The following FHAD1 variants were observed in gnomAD, a reference collection of about 807,000 sequenced individuals.
The protein encoded by FHAD1 is forkhead-associated domain-containing protein 1.
Under a neutral mutation model 191.3 loss-of-function variants are expected in FHAD1, and 146 were observed. The observed-to-expected ratio is 0.76, with a 90% CI of 0.67 to 0.88. The LOEUF (loss-of-function observed/expected upper bound fraction) is 0.88. Ranked by LOEUF, FHAD1 falls within the 40% of genes least tolerant of loss-of-function variation. The pLI is 0.00. For synonymous variants in FHAD1, 616 were observed against 672.3 expected, an observed-to-expected ratio of 0.92 and a Z score of 1.29; for missense variants, 1,635 against 1,785.8, an observed-to-expected ratio of 0.92 and a Z score of 1.52.
chr1:15,297,464 C>T (rs1667330458), intron 5 of FHAD1, among the ~76,000 whole-genome samples: 1 of 152,226 alleles, frequency 6.6e-6, no homozygotes, highest in African/African-American at 2.4e-5. Context: ...TGCAGCCATT[C>T]TCAGAGTCTG....
At chr1:15,313,281 CTTAGT>C (rs968108592) in intron 8 of FHAD1, 94 bp downstream of exon 8, 145 of 1,051,534 alleles carry the variant, frequency 1.4e-4, no homozygotes, top group Middle Eastern at 3.3e-4. Context: ...ACCCTGGGCC[CTTAGT>C]TTAAATTTCA....
rs190891091 is a variant in FHAD1, at chr1:15,281,430, A to G, written c.301-7969A>G. On this transcript the variant is annotated intron_variant, in intron 3 of 33. Transcript: ENST00000688493. ...TTGTATTATTTTTTTCTGGTAACTC[A>G]AAGGTCCCTTAAAAGAGTTTTGTTT... Among the ~76,000 whole-genome samples, 24 of 152,226 alleles carry G rather than the reference A, an allele frequency of 1.6e-4. No homozygotes were observed. The East Asian group carries it at 4.2e-3, about 27-fold the overall frequency.
chr1:15,375,746 T>A lies in FHAD1; in HGVS notation c.3705+16T>A. On this transcript the variant is annotated intron_variant, in intron 28 of 33. Coordinates refer to ENST00000688493, the MANE Select transcript of FHAD1 (RefSeq NM_001391957.1). ...GATCCTAGCGGTAACCAAAGAAAAT[T>A]CTCTCTGCTGTGACTGGCATGTGGA... is the stretch of plus-strand genomic sequence containing the variant. 1 of 1,524,522 alleles carries A rather than the reference T, an allele frequency of 6.6e-7. No individual in the cohort carries two copies. Among genetic ancestry groups the A allele is most frequent in the Non-Finnish European group, 8.8e-7 (1 of 1,137,882 alleles). 94.4% of individuals were successfully genotyped at this position (1,524,522 alleles called of 1,614,324 possible).
intron 31 of FHAD1, 87 bp downstream of exon 31, chr1:15,382,280 AG>A: frequency 7.4e-7 from 1 of 1,345,730 alleles, no homozygotes; most frequent in East Asian, 2.5e-5. Flanking sequence ...TGGAGGATCC[AG>A]GTAGCACAGA....
chr1:15,327,315 A>G lies in FHAD1; in HGVS notation c.1557+173A>G. 1 of 553,734 alleles carries G rather than the reference A, an allele frequency of 1.8e-6. No homozygotes were observed. The highest frequency in any genetic ancestry group is 2.6e-5 in the South Asian group (1 of 38,208). The allele number at this position is 553,734 out of a possible 1,614,324, so 34.3% of individuals were successfully genotyped here. A position where few individuals can be genotyped will look rare whatever the true frequency, so the allele number is the denominator to read the frequency against. ...GATTTTATGGGATTTCCTGGCTTTT[A>G]AAGTAAAAGCCAGTTAAAACTCCCT... On this transcript the variant is annotated intron_variant, in intron 12 of 33. Transcript: ENST00000688493. The surrounding 1 kb of genome is among the most constrained non-coding windows in gnomAD (Gnocchi z 5.1).
chr1:15,272,293 G>T (rs1386056149), intron 2 of FHAD1, 30 bp from the exon 3 acceptor site: 9 of 1,537,338 alleles, frequency 5.9e-6, no homozygotes, highest in Non-Finnish European at 7.9e-6. Flanking sequence ...TTGTTTTCAT[G>T]GCTACGACTG....
intron 2 of FHAD1, among the ~76,000 whole-genome samples, chr1:15,260,583 A>G (rs78037770): frequency 0.012 from 1,840 of 152,276 alleles, 53 homozygotes; most frequent in African/African-American, 0.042. Flanking sequence ...CGATGCTGCT[A>G]TAGAACCGAG....
At chr1:15,264,978 A>T (rs957793972) in intron 2 of FHAD1, among the ~76,000 whole-genome samples, 9 of 152,178 alleles carry the variant, frequency 5.9e-5, no homozygotes, top group African/African-American at 1.9e-4. Context: ...TGTTACACAG[A>T]TTGATTTTCA....
intron 17 of FHAD1, 33 bp from the exon 18 acceptor site, chr1:15,345,370 TCCTCCCATGGTAA>T (rs1394171509): frequency 1.3e-6 from 2 of 1,522,898 alleles, no homozygotes; most frequent in Non-Finnish European, 8.9e-7. Flanking sequence ...GAGTCCAGTT[TCCTCCCATGGTAA>T]CCATGTCTAT....
In FHAD1 at chr1:15,329,504, C is replaced by T; in HGVS notation, c.1869C>T (p.Leu623=). The T allele has an allele frequency of 6.4e-7, 1 of 1,551,016 alleles. No individual in the cohort carries two copies. The highest frequency in any genetic ancestry group is 1.4e-5 in the African/African-American group (1 of 73,146). ...GGCTGGAGGAGGTGGAGCAGCTCCTCCGGGACCTCGGGATCCTGCCCTCCA... is the reference window on the plus strand; with the variant it reads ...GGCTGGAGGAGGTGGAGCAGCTCCTTCGGGACCTCGGGATCCTGCCCTCCA... The part of the protein sequence containing the change: ...LSWLEEVEQL[L]RDLGILPSSP... The change falls in exon 14 of 34, where the codon CTC becomes CTT. Residue 623 remains leucine (L), a synonymous_variant. Transcript: ENST00000688493. This position sits in a 1 kb window ranked among gnomAD's most constrained non-coding sequence, Gnocchi z 5.0.
intron 26 of FHAD1, among the ~76,000 whole-genome samples, chr1:15,370,481 G>A (rs80268087): frequency 0.013 from 2,050 of 152,204 alleles, 30 homozygotes; most frequent in South Asian, 0.096. Flanking sequence ...GGACACTTAG[G>A]TTATTTCTCC....
intron 18 of FHAD1, among the ~76,000 whole-genome samples, chr1:15,347,321 G>C (rs948175690): frequency 6.6e-6 from 1 of 152,228 alleles, no homozygotes; most frequent in African/African-American, 2.4e-5. Context: ...ATAAATTCAA[G>C]CTTCATTGCA....
chr1:15,260,932 G>A (rs1166006882), intron 2 of FHAD1, among the ~76,000 whole-genome samples: 1 of 152,166 alleles, frequency 6.6e-6, no homozygotes, highest in East Asian at 1.9e-4. Context: ...ATTAGGACAC[G>A]GACACCTTTG....
At chr1:15,302,614 A>G (rs1156630064) in intron 6 of FHAD1, among the ~76,000 whole-genome samples, 7 of 151,806 alleles carry the variant, frequency 4.6e-5, no homozygotes, top group African/African-American at 1.7e-4. Context: ...AGTCCCAGCT[A>G]CTCGGGAGGC....
chr1:15,346,823 C>T (rs924047508), intron 18 of FHAD1, among the ~76,000 whole-genome samples: 1 of 152,218 alleles, frequency 6.6e-6, no homozygotes, highest in Admixed American at 6.5e-5. Context: ...TGCAGCAGAC[C>T]TACCGCTGCC....
At chr1:15,261,317 G>C (rs1227987694) in intron 2 of FHAD1, among the ~76,000 whole-genome samples, 2 of 152,182 alleles carry the variant, frequency 1.3e-5, no homozygotes, top group African/African-American at 4.8e-5. Context: ...TAGTCAGGCT[G>C]TCTGGGACCG....
In FHAD1 at chr1:15,327,001, G is replaced by T; in HGVS notation, c.1474-58G>T. ...TCCCGCACCCTGCCATGGAAACGCTGCCCCCACTTGCCGGCCCCTGCTGAC... is the reference window on the plus strand; with the variant it reads ...TCCCGCACCCTGCCATGGAAACGCTTCCCCCACTTGCCGGCCCCTGCTGAC... On this transcript the variant is annotated intron_variant, in intron 11 of 33. Coordinates refer to ENST00000688493, the MANE Select transcript of FHAD1 (RefSeq NM_001391957.1). The surrounding 1 kb of genome is among the most constrained non-coding windows in gnomAD (Gnocchi z 5.1). 1 of 1,068,488 alleles carries T rather than the reference G, an allele frequency of 9.4e-7. No homozygotes were observed. Among genetic ancestry groups the T allele is most frequent in the Admixed American group, 2.0e-5 (1 of 49,126 alleles). 66.2% of individuals were successfully genotyped at this position (1,068,488 alleles called of 1,614,324 possible).
At chr1:15,362,119 C>T (rs1695003775) in intron 22 of FHAD1, among the ~76,000 whole-genome samples, 1 of 151,958 alleles carries the variant, frequency 6.6e-6, no homozygotes, top group African/African-American at 2.4e-5. Flanking sequence ...TCTTTGTCAC[C>T]CCCGTACTTA....
intron 2 of FHAD1, among the ~76,000 whole-genome samples, chr1:15,263,510 CT>C (rs771788861): frequency 0.054 from 4,034 of 74,508 alleles, 13 homozygotes; most frequent in African/African-American, 0.098. Flanking sequence ...CAGTTTTATT[CT>C]TTTTTTTTTT....
Sources: allele counts gnomAD v4.1 joint callset (sites outside exome capture counted in the v4.1 genomes callset), GRCh38; gene constraint gnomAD v4.1.1; non-coding constraint Gnocchi (gnomAD v3.1); transcripts MANE v1.5; gene names NCBI Gene and HGNC (gene_info 2026-07-23, HGNC 2026-07-21).